The following ENTREP2 variants were observed in gnomAD, a reference collection of about 807,000 sequenced individuals.
The protein encoded by ENTREP2 is protein ENTREP2.
chr15:29,667,378 C>A, the ENTREP2 span, among the ~76,000 whole-genome samples: 430 of 150,604 alleles, frequency 2.9e-3, no homozygotes, highest in African/African-American at 0.01. Context: ...TTAATAGAGA[C>A]GGGGTTTCAC....
At chr15:29,448,888 T>C in the ENTREP2 span, among the ~76,000 whole-genome samples, 1 of 152,150 alleles carries the variant, frequency 6.6e-6, no homozygotes, top group Non-Finnish European at 1.5e-5. Context: ...GAAATCTGGG[T>C]CTTGGAGCCC....
chr15:29,520,687 C>A, the ENTREP2 span, among the ~76,000 whole-genome samples: 1 of 151,976 alleles, frequency 6.6e-6, no homozygotes, highest in Non-Finnish European at 1.5e-5. Context: ...TGAAAACCTA[C>A]AAGAACTAAT....
chr15:29,453,969 C>G, the ENTREP2 span, among the ~76,000 whole-genome samples: 3 of 152,278 alleles, frequency 2.0e-5, no homozygotes, highest in South Asian at 6.2e-4. Context: ...ACAAATGATA[C>G]TGACATCTCC....
chr15:29,513,428 C>T, the ENTREP2 span, among the ~76,000 whole-genome samples: 6 of 152,226 alleles, frequency 3.9e-5, no homozygotes, highest in Non-Finnish European at 7.4e-5. Flanking sequence ...GTTTGAAAAC[C>T]ATTGGTCAAC....
chr15:29,494,892 G>A, the ENTREP2 span, among the ~76,000 whole-genome samples: 1 of 152,182 alleles, frequency 6.6e-6, no homozygotes, highest in East Asian at 1.9e-4. Context: ...GTGCATGTGT[G>A]TGTGTGTCTG....
chr15:29,139,979 T>C, the ENTREP2 span, among the ~76,000 whole-genome samples: 44,084 of 152,140 alleles, frequency 0.29, 7,889 homozygotes, highest in Non-Finnish European at 0.4. Flanking sequence ...CGGCAGGCTC[T>C]GCCTGTAGGG....
At chr15:29,393,173 T>C in the ENTREP2 span, among the ~76,000 whole-genome samples, 2 of 152,250 alleles carry the variant, frequency 1.3e-5, no homozygotes, top group Non-Finnish European at 2.9e-5. Context: ...CATTGTGATT[T>C]GCTTTCTTTG....
chr15:29,549,318 G>A, the ENTREP2 span, among the ~76,000 whole-genome samples: 1 of 151,266 alleles, frequency 6.6e-6, no homozygotes, highest in Non-Finnish European at 1.5e-5. Flanking sequence ...AGCCCAGGCT[G>A]GAGTGCAGTG....
the ENTREP2 span, among the ~76,000 whole-genome samples, chr15:29,585,773 G>A: frequency 6.0e-5 from 9 of 151,186 alleles, no homozygotes; most frequent in Admixed American, 6.6e-5. Context: ...GGAGAATGGC[G>A]TGAACCCAGA....
At chr15:29,320,394 C>T in the ENTREP2 span, among the ~76,000 whole-genome samples, 1 of 152,188 alleles carries the variant, frequency 6.6e-6, no homozygotes, top group Non-Finnish European at 1.5e-5. Context: ...AGCCTAATAA[C>T]AGCCATATTA....
chr15:29,443,993 A>G, the ENTREP2 span, among the ~76,000 whole-genome samples: 2 of 151,930 alleles, frequency 1.3e-5, no homozygotes, highest in Non-Finnish European at 2.9e-5. Context: ...AGTCCCAGCT[A>G]CTCAGGAGGC....
chr15:29,523,005 G>A, the ENTREP2 span, among the ~76,000 whole-genome samples: 2 of 152,166 alleles, frequency 1.3e-5, no homozygotes, highest in Non-Finnish European at 2.9e-5. Context: ...AAATTAAAAG[G>A]CCACATGCAC....
chr15:29,621,156 G>A, the ENTREP2 span, among the ~76,000 whole-genome samples: 15 of 152,094 alleles, frequency 9.9e-5, no homozygotes, highest in Admixed American at 4.6e-4. Flanking sequence ...TTGGGAGGCC[G>A]AGGCAGGCGG....
chr15:29,441,912 A>G, the ENTREP2 span, among the ~76,000 whole-genome samples: 1,485 of 152,180 alleles, frequency 9.8e-3, 31 homozygotes, highest in African/African-American at 0.033. Context: ...GTCCAGGCCC[A>G]TCTGCTGAGC....
At chr15:29,550,317 G>A in the ENTREP2 span, among the ~76,000 whole-genome samples, 6,591 of 152,204 alleles carry the variant, frequency 0.043, 489 homozygotes, top group African/African-American at 0.15. Context: ...TTAAAACAGA[G>A]TTGATCACCA....
the ENTREP2 span, chr15:29,151,813 T>C: frequency 6.4e-7 from 1 of 1,551,514 alleles, no homozygotes; most frequent in Non-Finnish European, 8.7e-7. Flanking sequence ...GGACAGGACG[T>C]TGAGGGCACA....
the ENTREP2 span, among the ~76,000 whole-genome samples, chr15:29,168,832 AGGAGG>A: frequency 6.6e-6 from 1 of 152,192 alleles, no homozygotes; most frequent in Non-Finnish European, 1.5e-5. Context: ...GCAAGGACCC[AGGAGG>A]GAGTTCACAC....
At chr15:29,570,677 G>A in the ENTREP2 span, 1 of 1,188,156 alleles carries the variant, frequency 8.4e-7, no homozygotes, top group Non-Finnish European at 1.0e-6. Flanking sequence ...CAGGCTGCGG[G>A]GCAGCGCGGC....
the ENTREP2 span, among the ~76,000 whole-genome samples, chr15:29,513,096 G>A: frequency 1.1e-4 from 17 of 152,168 alleles, no homozygotes; most frequent in Admixed American, 3.9e-4. Flanking sequence ...TTTGTGTGAC[G>A]TCTTAGCCTT....
Sources: allele counts gnomAD v4.1 joint callset (sites outside exome capture counted in the v4.1 genomes callset), GRCh38; gene constraint gnomAD v4.1.1; transcripts MANE v1.5; gene names NCBI Gene and HGNC (gene_info 2026-07-23, HGNC 2026-07-21).